Variants in RPS6KB1 observed in about 807,000 individuals in gnomAD.
The protein encoded by RPS6KB1 is ribosomal protein S6 kinase beta-1.
Under a neutral mutation model 70.2 loss-of-function variants are expected in RPS6KB1, and 12 were observed. That is an observed-to-expected ratio of 0.17 (90% confidence interval 0.11 to 0.28). The LOEUF (loss-of-function observed/expected upper bound fraction) is 0.28. Among genes scored for constraint, RPS6KB1 ranks in the 10% least tolerant of loss-of-function variants. The pLI is 1.00. For missense variants in RPS6KB1, 270 were observed against 646.6 expected, an observed-to-expected ratio of 0.42 and a Z score of 6.32; for synonymous variants, 175 against 211.2, an observed-to-expected ratio of 0.83 and a Z score of 1.49.
chr17:59,937,927 T>G (rs1231837010), intron 12 of RPS6KB1, among the ~76,000 whole-genome samples: 1 of 152,146 alleles, frequency 6.6e-6, no homozygotes, highest in Non-Finnish European at 1.5e-5. Context: ...TTTCCATTCC[T>G]TAGGATGTAG....
At chr17:59,931,497 C>T (rs1356284053) in intron 6 of RPS6KB1, 125 bp from the exon 7 acceptor site, 1 of 673,694 alleles carries the variant, frequency 1.5e-6, no homozygotes, top group South Asian at 1.8e-5. Context: ...TCCAATACAT[C>T]CCCCTACCCC....
intron 12 of RPS6KB1, among the ~76,000 whole-genome samples, chr17:59,938,494 C>T (rs532963346): frequency 6.6e-6 from 1 of 151,626 alleles, no homozygotes; most frequent in East Asian, 1.9e-4. Context: ...TATAGATTCC[C>T]CTTGTGATTT....
At chr17:59,897,566 T>C (rs2041638751) in intron 1 of RPS6KB1, among the ~76,000 whole-genome samples, 1 of 152,182 alleles carries the variant, frequency 6.6e-6, no homozygotes, top group Non-Finnish European at 1.5e-5. Flanking sequence ...TGACTATGCG[T>C]TAGTAAATAT....
chr17:59,921,428 C>G (rs1568447137), intron 4 of RPS6KB1, among the ~76,000 whole-genome samples: 1 of 152,108 alleles, frequency 6.6e-6, no homozygotes, highest in Non-Finnish European at 1.5e-5. Flanking sequence ...TCTAAATCCC[C>G]AAGTAAGATG....
At position 59,915,758 on chromosome 17, in the gene RPS6KB1, G is replaced by A. The variant is rs551151735; in HGVS notation, c.381+1055G>A. Among the ~76,000 whole-genome samples, 8 of 145,594 alleles carry A rather than the reference G, an allele frequency of 5.5e-5. 1 individual carries two copies. Among genetic ancestry groups the A allele is most frequent in the Middle Eastern group, 4.0e-3 (1 of 250 alleles). On this transcript the variant is annotated intron_variant, in intron 4 of 14. Coordinates refer to ENST00000225577, the MANE Select transcript of RPS6KB1 (RefSeq NM_003161.4). Reference sequence around the variant, plus strand: ...TGGGATTACAGGCACGAGCCACTGCGCCTGGCCTACTGCTATCTTTTTTTT... The same window carrying A: ...TGGGATTACAGGCACGAGCCACTGCACCTGGCCTACTGCTATCTTTTTTTT...
chr17:59,917,183 A>G (rs926818777), intron 4 of RPS6KB1, among the ~76,000 whole-genome samples: 1 of 152,126 alleles, frequency 6.6e-6, no homozygotes, highest in Non-Finnish European at 1.5e-5. Flanking sequence ...CGGTGACACA[A>G]TTATAGCTCA....
chr17:59,915,191 T>C (rs1298149564), intron 4 of RPS6KB1, among the ~76,000 whole-genome samples: 1 of 151,964 alleles, frequency 6.6e-6, no homozygotes, highest in Non-Finnish European at 1.5e-5. Context: ...GGTTTCACCA[T>C]ATTGGCCAGG....
At chr17:59,911,504 G>A (rs1187321145) in intron 2 of RPS6KB1, among the ~76,000 whole-genome samples, 1 of 149,778 alleles carries the variant, frequency 6.7e-6, no homozygotes, top group Admixed American at 6.7e-5. Context: ...GGGACTACAG[G>A]AGCGCACCAC....
At position 59,915,790 on chromosome 17, in the gene RPS6KB1, TTTTTTTTTTA is replaced by T. The variant is rs933422741; in HGVS notation, c.381+1090_381+1099del. On this transcript the variant is annotated intron_variant, in intron 4 of 14. Coordinates refer to ENST00000225577, the MANE Select transcript of RPS6KB1 (RefSeq NM_003161.4). ...CTACTGCTATCTTTTTTTTTTTTTT[TTTTTTTTTTA>T]TTGTGACAGAGTTTTGCTCTTGTTG... Among the ~76,000 whole-genome samples, 34 of 131,590 alleles carry T rather than the reference TTTTTTTTTTA, an allele frequency of 2.6e-4. 1 individual carries two copies. Among genetic ancestry groups the T allele is most frequent in the East Asian group, 2.2e-4 (1 of 4,482 alleles). The allele number at this position is 131,590 out of a possible 152,430, so 86.3% of individuals were successfully genotyped here. A position where few individuals can be genotyped will look rare whatever the true frequency, so the allele number is the denominator to read the frequency against.
At chr17:59,908,743 C>T (rs1195990294) in intron 1 of RPS6KB1, among the ~76,000 whole-genome samples, 9 of 144,230 alleles carry the variant, frequency 6.2e-5, no homozygotes, top group African/African-American at 2.1e-4. Flanking sequence ...CTCAGCCTCC[C>T]GAGTAGCTGG....
At chr17:59,936,389 T>G (rs2044245828) in intron 11 of RPS6KB1, 75 bp from the exon 12 acceptor site, 1 of 1,534,742 alleles carries the variant, frequency 6.5e-7, no homozygotes. Context: ...ACTTGTAACT[T>G]CAAAAAGGTG....
rs200282847 is a variant in RPS6KB1, at chr17:59,912,685, G to A, written c.193G>A (p.Gly65Ser). 9 of 1,612,012 alleles carry A rather than the reference G, an allele frequency of 5.6e-6. No homozygotes were observed. In the East Asian group the frequency reaches 1.8e-4, roughly 32 times the overall value. ...TTTTGGTTTTGCTTTTCTTCCCAGT[G>A]GCATGGAACATTGTGAGAAATTTGA... ...DHGGVGPYEL[G>S]MEHCEKFEIS... The change falls in exon 3 of 15, where the codon GGC becomes AGC. Residue 65 changes from glycine (G) to serine (S), a missense_variant and splice_region_variant. Coordinates refer to ENST00000225577, the MANE Select transcript of RPS6KB1 (RefSeq NM_003161.4).
At chr17:59,912,083 T>C (rs1473037911) in intron 2 of RPS6KB1, 1 of 152,782 alleles carries the variant, frequency 6.5e-6, no homozygotes, top group Admixed American at 6.5e-5. Context: ...TGCAAGACTT[T>C]TTTTCTTTGT....
chr17:59,924,925 T>C (rs1292486461), intron 4 of RPS6KB1, among the ~76,000 whole-genome samples: 1 of 152,000 alleles, frequency 6.6e-6, no homozygotes, highest in Non-Finnish European at 1.5e-5. Context: ...GCCTCCCAGG[T>C]TCATGCCATT....
At chr17:59,920,967 G>T (rs1345870251) in intron 4 of RPS6KB1, among the ~76,000 whole-genome samples, 1 of 152,196 alleles carries the variant, frequency 6.6e-6, no homozygotes, top group Non-Finnish European at 1.5e-5. Context: ...TAAAGTGCTG[G>T]AATTATGGGC....
Position 59,934,287 on chromosome 17 carries a change from T to C in RPS6KB1, c.779+27T>C. 2 of 1,548,148 alleles carry C rather than the reference T, an allele frequency of 1.3e-6. No homozygotes were observed. Among genetic ancestry groups the C allele is most frequent in the South Asian group, 1.1e-5 (1 of 89,702 alleles). On this transcript the variant is annotated intron_variant, in intron 8 of 14. Transcript: ENST00000225577. This position sits in a 1 kb window ranked among gnomAD's most constrained non-coding sequence, Gnocchi z 4.8. ...TGAGCTACATGTTAAACATAATTGG[T>C]TTGGGGGTAATAGCTAATTTTACCT...
rs559026454 is a variant in RPS6KB1, at chr17:59,940,275, CTTTT to C, written c.1120-538_1120-535del. 7.9e-3 allele frequency among the ~76,000 whole-genome samples: 647 copies of C among 81,568 alleles called. 4 individuals are homozygous for C. Among genetic ancestry groups the C allele is most frequent in the African/African-American group, 0.025 (587 of 23,300 alleles). 53.5% of individuals were successfully genotyped at this position (81,568 alleles called of 152,430 possible). ...GCTTGTTTTGAGCTCGATATATTCA[CTTTT>C]TTTTTTTTTTTTTTTTTTTTTTATT... On this transcript the variant is annotated intron_variant, in intron 12 of 14. Coordinates refer to ENST00000225577, the MANE Select transcript of RPS6KB1 (RefSeq NM_003161.4).
chr17:59,909,652 G>T (rs574296302), intron 1 of RPS6KB1, among the ~76,000 whole-genome samples: 1 of 151,204 alleles, frequency 6.6e-6, no homozygotes, highest in Non-Finnish European at 1.5e-5. Context: ...CGAGGAGGGC[G>T]GATCACCTGA....
At chr17:59,939,469 G>T (rs1230012586) in intron 12 of RPS6KB1, among the ~76,000 whole-genome samples, 1 of 152,010 alleles carries the variant, frequency 6.6e-6, no homozygotes, top group Admixed American at 6.6e-5. Flanking sequence ...TGGTAGAGAC[G>T]GGGTTTTGCC....
Sources: gnomAD v4.1 joint callset for allele counts (sites outside exome capture counted in the v4.1 genomes callset) on GRCh38, gnomAD v4.1.1 for gene constraint, Gnocchi (gnomAD v3.1) non-coding constraint, MANE v1.5 for transcripts, NCBI Gene and HGNC (gene_info 2026-07-23, HGNC 2026-07-21) for gene names.